The following MEI4 variants were observed in gnomAD, a reference collection of about 807,000 sequenced individuals.
MEI4 encodes the protein meiosis-specific protein MEI4.
In MEI4, 27 loss-of-function variants were observed where a neutral mutation model predicts 31.4. The observed-to-expected ratio is 0.86, with a 90% confidence interval of 0.63 to 1.19. The LOEUF is 1.19. Ranked by LOEUF, MEI4 falls within the 50% of genes most tolerant of loss-of-function variation. MEI4 has a pLI of 0.00. For missense variants in MEI4, 329 were observed against 398.9 expected (o/e 0.82, Z 1.49); for synonymous variants, 122 against 145.4 (o/e 0.84, Z 1.16).
At chr6:77,706,347 A>G (rs1486666732) in intron 2 of MEI4, among the ~76,000 whole-genome samples, 1 of 152,122 alleles carries the variant, frequency 6.6e-6, no homozygotes, top group African/African-American at 2.4e-5. Flanking sequence ...GAAAAATCCA[A>G]ACAGACAGGC....
At chr6:77,785,542 T>C (rs1431006186) in intron 3 of MEI4, among the ~76,000 whole-genome samples, 1 of 152,208 alleles carries the variant, frequency 6.6e-6, no homozygotes, top group African/African-American at 2.4e-5. Context: ...CCTTCAATTT[T>C]ATCTGACTCT....
At chr6:77,824,192 C>T (rs1445561982) in intron 3 of MEI4, among the ~76,000 whole-genome samples, 7 of 152,054 alleles carry the variant, frequency 4.6e-5, no homozygotes, top group East Asian at 1.9e-4. Context: ...TGGGTTCAAG[C>T]GATTCTCCTG....
chr6:77,781,532 T>C (rs935855985), intron 3 of MEI4, among the ~76,000 whole-genome samples: 3 of 152,212 alleles, frequency 2.0e-5, no homozygotes, highest in African/African-American at 7.2e-5. Flanking sequence ...TTCTCATTTT[T>C]AATAATATCC....
At chr6:77,732,675 G>A (rs1445695994) in intron 2 of MEI4, among the ~76,000 whole-genome samples, 1 of 152,062 alleles carries the variant, frequency 6.6e-6, no homozygotes, top group Non-Finnish European at 1.5e-5. Flanking sequence ...TTGAATAGGA[G>A]TGGTGAGAGA....
chr6:77,831,373 C>T (rs958075421), intron 4 of MEI4, among the ~76,000 whole-genome samples: 2 of 151,584 alleles, frequency 1.3e-5, no homozygotes, highest in African/African-American at 4.8e-5. Flanking sequence ...ATAGAACTAC[C>T]ATATGATCCA....
chr6:77,710,991 A>G (rs1341557463), intron 2 of MEI4, among the ~76,000 whole-genome samples: 1 of 152,214 alleles, frequency 6.6e-6, no homozygotes, highest in East Asian at 1.9e-4. Context: ...ATCTATTAGA[A>G]AGAATGGAAC....
At chr6:77,670,009 T>C (rs550431850) in intron 1 of MEI4, among the ~76,000 whole-genome samples, 78 of 152,322 alleles carry the variant, frequency 5.1e-4, no homozygotes, top group Non-Finnish European at 8.8e-4. Context: ...GTTAAGTTTG[T>C]TCTCATCTCA....
intron 4 of MEI4, among the ~76,000 whole-genome samples, chr6:77,839,030 A>G (rs1770292896): frequency 6.6e-6 from 1 of 152,160 alleles, no homozygotes; most frequent in Non-Finnish European, 1.5e-5. Context: ...CTTTTTTTCA[A>G]TGTCCAAGCT....
intron 4 of MEI4, among the ~76,000 whole-genome samples, chr6:77,916,315 T>C (rs900696646): frequency 2.6e-5 from 4 of 152,128 alleles, no homozygotes; most frequent in African/African-American, 9.7e-5. Context: ...GCAAAATCTT[T>C]CCTTTTATCA....
intron 3 of MEI4, among the ~76,000 whole-genome samples, chr6:77,767,749 T>C (rs1206950080): frequency 6.6e-6 from 1 of 152,018 alleles, no homozygotes; most frequent in African/African-American, 2.4e-5. Context: ...GTTCCTGCAA[T>C]TTTACTTTAA....
intron 4 of MEI4, among the ~76,000 whole-genome samples, chr6:77,842,065 C>T (rs1770379285): frequency 6.6e-6 from 1 of 152,096 alleles, no homozygotes; most frequent in South Asian, 2.1e-4. Flanking sequence ...AAAACCATAA[C>T]AAAGCCATTG....
chr6:77,923,574 C>T lies in MEI4; in HGVS notation c.*228C>T. ...CGGTTGGTAATGCCATCCTTATTCC[C>T]ATGTAACTGTATCTTATTTCACTCA... On this transcript the variant is annotated 3_prime_UTR_variant, in exon 5 of 5. Coordinates refer to ENST00000684080, the MANE Select transcript of MEI4 (RefSeq NM_001322247.2). 2 of 303,598 alleles carry T rather than the reference C, an allele frequency of 6.6e-6. No homozygotes were observed. The allele number at this position is 303,598 out of a possible 1,614,324, so 18.8% of individuals were successfully genotyped here.
In MEI4 at chr6:77,653,083, C is replaced by T. The variant is rs1235388166; in HGVS notation, c.-24C>T. Reference sequence around the variant, plus strand: ...CTGTTATCATCTCATTTCTGCTTCTCTGTTTACTGGTGAGCTGGTTCTCCA... The same window carrying T: ...CTGTTATCATCTCATTTCTGCTTCTTTGTTTACTGGTGAGCTGGTTCTCCA... On this transcript the variant is annotated 5_prime_UTR_variant, in exon 1 of 5. Coordinates refer to ENST00000684080, the MANE Select transcript of MEI4 (RefSeq NM_001322247.2). 6.6e-6 allele frequency among the ~76,000 whole-genome samples: 1 copy of T among 152,184 alleles called. No homozygotes were observed. Among genetic ancestry groups the T allele is most frequent in the Admixed American group, 6.5e-5 (1 of 15,282 alleles).
chr6:77,674,026 A>T (rs9341680), intron 1 of MEI4, among the ~76,000 whole-genome samples: 8,717 of 152,230 alleles, frequency 0.057, 296 homozygotes, highest in African/African-American at 0.09. Context: ...ATATATGTGG[A>T]AGAAAGAGAG....
chr6:77,791,678 TAAA>T (rs60957084), intron 3 of MEI4, among the ~76,000 whole-genome samples: 1 of 133,674 alleles, frequency 7.5e-6, no homozygotes. Context: ...ACTTAAAGTA[TAAA>T]AAAAAAAAAA....
intron 3 of MEI4, among the ~76,000 whole-genome samples, chr6:77,796,153 C>T (rs776545732): frequency 2.0e-5 from 3 of 152,072 alleles, no homozygotes; most frequent in Non-Finnish European, 4.4e-5. Flanking sequence ...ACACACAAAA[C>T]CATCTGAGAA....
At chr6:77,851,575 T>C (rs1246145623) in intron 4 of MEI4, among the ~76,000 whole-genome samples, 6 of 135,304 alleles carry the variant, frequency 4.4e-5, no homozygotes, top group Admixed American at 8.7e-5. Flanking sequence ...TAGGTGGGAA[T>C]TGAACAATGA....
intron 1 of MEI4, among the ~76,000 whole-genome samples, chr6:77,684,404 A>C (rs1335832535): frequency 1.3e-5 from 2 of 151,922 alleles, no homozygotes; most frequent in African/African-American, 4.8e-5. Context: ...TATTGACTGT[A>C]GTTACCCTAT....
chr6:77,747,357 A>G (rs1013338093), intron 2 of MEI4, among the ~76,000 whole-genome samples: 5 of 152,288 alleles, frequency 3.3e-5, no homozygotes, highest in African/African-American at 4.8e-5. Flanking sequence ...TGGAGACTGT[A>G]TAGTTTACAA....
Sources: allele counts gnomAD v4.1 joint callset (sites outside exome capture counted in the v4.1 genomes callset), GRCh38; gene constraint gnomAD v4.1.1; transcripts MANE v1.5; gene names NCBI Gene and HGNC (gene_info 2026-07-23, HGNC 2026-07-21).